Variants in PLPPR1 observed in about 807,000 individuals in gnomAD.
The protein encoded by PLPPR1 is phospholipid phosphatase related 1.
Under a neutral mutation model 33.1 loss-of-function variants are expected in PLPPR1, and 10 were observed. That is an observed-to-expected ratio of 0.30 (90% CI 0.19 to 0.51). PLPPR1 has a LOEUF of 0.51. Among genes scored for constraint, PLPPR1 ranks in the 20% least tolerant of loss-of-function variants. The probability of loss-of-function intolerance (pLI) is 0.97; values close to 1 mark genes in which losing one functional copy is unlikely to be tolerated. For synonymous variants in PLPPR1, 151 were observed against 151.0 expected, an observed-to-expected ratio of 1.00 and a Z score of 0.00; for missense variants, 304 against 408.1, an observed-to-expected ratio of 0.74 and a Z score of 2.20.
intron 2 of PLPPR1, among the ~76,000 whole-genome samples, chr9:101,203,868 C>T (rs1180114259): frequency 1.4e-5 from 2 of 148,110 alleles, no homozygotes; most frequent in Non-Finnish European, 3.0e-5. Context: ...AGCAAATATT[C>T]TCTACCACTT....
At chr9:101,246,668 T>A (rs1003730210) in intron 2 of PLPPR1, among the ~76,000 whole-genome samples, 1 of 152,056 alleles carries the variant, frequency 6.6e-6, no homozygotes, top group African/African-American at 2.4e-5. Context: ...TAACTATATC[T>A]GGTGCCCATT....
At chr9:101,072,734 A>T (rs1830495228) in intron 1 of PLPPR1, among the ~76,000 whole-genome samples, 1 of 152,180 alleles carries the variant, frequency 6.6e-6, no homozygotes, top group East Asian at 1.9e-4. Context: ...TGCCATGGAA[A>T]ACATATGTTA....
chr9:101,059,558 A>G (rs1830318273), intron 1 of PLPPR1, among the ~76,000 whole-genome samples: 3 of 152,108 alleles, frequency 2.0e-5, no homozygotes, highest in African/African-American at 7.2e-5. Flanking sequence ...ATATTTGCAA[A>G]CCATATATCT....
chr9:101,072,229 C>T lies in PLPPR1; in HGVS notation c.-46+43127C>T, dbSNP rs1830489983. On this transcript the variant is annotated intron_variant, in intron 1 of 7. Coordinates refer to ENST00000374874, the MANE Select transcript of PLPPR1 (RefSeq NM_207299.2). Reference sequence around the variant, plus strand: ...TTTCTGGTTGGGTGGCTCATTTGTACAGACAGCTCTCCTCCAAATTGTGAC... The same window carrying T: ...TTTCTGGTTGGGTGGCTCATTTGTATAGACAGCTCTCCTCCAAATTGTGAC... Among the ~76,000 whole-genome samples the T allele has an allele frequency of 2.0e-5, 3 of 152,142 alleles. No individual in the cohort carries two copies. The South Asian group carries it at 6.2e-4, about 32-fold the overall frequency.
intron 1 of PLPPR1, among the ~76,000 whole-genome samples, chr9:101,177,608 T>C (rs1254184070): frequency 6.6e-6 from 1 of 152,214 alleles, no homozygotes; most frequent in African/African-American, 2.4e-5. Flanking sequence ...TGCTGCTCCA[T>C]ATGGCCAACC....
chr9:101,104,578 A>G (rs1223310293), intron 1 of PLPPR1, among the ~76,000 whole-genome samples: 1 of 133,038 alleles, frequency 7.5e-6, no homozygotes. Flanking sequence ...TTTTGCATCA[A>G]TGTTCATCAA....
chr9:101,322,711 T>C (rs949797220), intron 7 of PLPPR1, among the ~76,000 whole-genome samples: 1 of 152,190 alleles, frequency 6.6e-6, no homozygotes. Flanking sequence ...ACAAAAATAT[T>C]TGACATAATT....
At chr9:101,127,332 C>A (rs1175454410) in intron 1 of PLPPR1, among the ~76,000 whole-genome samples, 3 of 152,158 alleles carry the variant, frequency 2.0e-5, no homozygotes, top group African/African-American at 4.8e-5. Context: ...CCGGCGGAGT[C>A]TAAGGATTGA....
At chr9:101,260,827 G>A (rs912881511) in intron 2 of PLPPR1, among the ~76,000 whole-genome samples, 1 of 152,072 alleles carries the variant, frequency 6.6e-6, no homozygotes, top group Non-Finnish European at 1.5e-5. Flanking sequence ...ATGACAAAGG[G>A]GTTAAAGATA....
chr9:101,312,672 G>GT (rs1271232283), intron 5 of PLPPR1, 126 bp from the exon 6 acceptor site: 1 of 653,140 alleles, frequency 1.5e-6, no homozygotes, highest in Non-Finnish European at 2.7e-6. Context: ...AGGAATACTA[G>GT]TTAGTGTGGT....
chr9:101,034,067 T>G (rs1829980994), intron 1 of PLPPR1, among the ~76,000 whole-genome samples: 1 of 151,224 alleles, frequency 6.6e-6, no homozygotes, highest in Non-Finnish European at 1.5e-5. Context: ...AAACGTGCAA[T>G]GCGTAACTAT....
intron 2 of PLPPR1, among the ~76,000 whole-genome samples, chr9:101,257,501 TCA>T (rs1298039340): frequency 1.3e-5 from 2 of 152,214 alleles, no homozygotes; most frequent in South Asian, 2.1e-4. Flanking sequence ...ATTGGGATAG[TCA>T]CACCTCATGC....
At chr9:101,271,598 C>T (rs567302982) in intron 3 of PLPPR1, among the ~76,000 whole-genome samples, 1 of 152,312 alleles carries the variant, frequency 6.6e-6, no homozygotes, top group Non-Finnish European at 1.5e-5. Flanking sequence ...ATGTACCTCA[C>T]AATGTGACAC....
At chr9:101,263,959 T>C (rs371594876) in intron 2 of PLPPR1, among the ~76,000 whole-genome samples, 15 of 152,100 alleles carry the variant, frequency 9.9e-5, no homozygotes, top group East Asian at 7.7e-4. Flanking sequence ...GTGTCTGTTG[T>C]ATATGGAGGA....
At chr9:101,078,071 G>T (rs1830561812) in intron 1 of PLPPR1, among the ~76,000 whole-genome samples, 1 of 142,328 alleles carries the variant, frequency 7.0e-6, no homozygotes, top group Non-Finnish European at 1.5e-5. Flanking sequence ...AGAAAAGAGA[G>T]TCTGGAATGG....
chr9:101,050,177 C>T (rs1434450792), intron 1 of PLPPR1, among the ~76,000 whole-genome samples: 2 of 140,120 alleles, frequency 1.4e-5, no homozygotes, highest in Non-Finnish European at 3.1e-5. Context: ...GAGTTTTTTA[C>T]ACTTAGACCG....
intron 1 of PLPPR1, among the ~76,000 whole-genome samples, chr9:101,091,147 A>G (rs1034798352): frequency 2.0e-5 from 3 of 152,108 alleles, no homozygotes; most frequent in South Asian, 2.1e-4. Flanking sequence ...TTAGAAGTGA[A>G]TCAACACCTT....
rs142116436 is a variant in PLPPR1 at position 101,124,245 on chromosome 9, G to C, written c.-45-61205G>C. On this transcript the variant is annotated intron_variant, in intron 1 of 7. Transcript: ENST00000374874. ...CACATCTCCCCTTTCCCTTTTTCAA[G>C]AGGACCCTTAATTCTAGCGGTTGCA... is the stretch of plus-strand genomic sequence containing the variant. Among the ~76,000 whole-genome samples, 53 of 152,140 alleles carry C rather than the reference G, an allele frequency of 3.5e-4. No individual in the cohort carries two copies. In the Middle Eastern group the frequency reaches 0.014, roughly 39 times the overall value.
At chr9:101,221,045 A>G (rs1018301857) in intron 2 of PLPPR1, among the ~76,000 whole-genome samples, 26 of 152,302 alleles carry the variant, frequency 1.7e-4, no homozygotes, top group Non-Finnish European at 1.5e-4. Flanking sequence ...TTTTGTTAAC[A>G]CTACCCCTCT....
Sources: allele counts gnomAD v4.1 joint callset (sites outside exome capture counted in the v4.1 genomes callset), GRCh38; gene constraint gnomAD v4.1.1; transcripts MANE v1.5; gene names NCBI Gene and HGNC (gene_info 2026-07-23, HGNC 2026-07-21).